RPS6KA2: variants seen among roughly 807,000 people sequenced by gnomAD.
RPS6KA2 encodes the protein ribosomal protein S6 kinase A2, also known as ribosomal protein S6 kinase alpha-2.
In RPS6KA2, 42 loss-of-function variants were observed where a neutral mutation model predicts 91.8. The ratio of observed to expected loss-of-function variants is 0.46; its 90% CI spans 0.36 to 0.59. The LOEUF (loss-of-function observed/expected upper bound fraction) is 0.59, where lower values mean the gene tolerates loss of function less well. Among genes scored for constraint, RPS6KA2 ranks in the 20% least tolerant of loss-of-function variants. The pLI is 0.00. For missense variants in RPS6KA2, 798 were observed against 978.5 expected, an observed-to-expected ratio of 0.82 and a Z score of 2.46; for synonymous variants, 414 against 393.6, an observed-to-expected ratio of 1.05 and a Z score of -0.61.
intron 1 of RPS6KA2, among the ~76,000 whole-genome samples, chr6:166,567,571 G>A (rs1784541232): frequency 6.6e-6 from 1 of 152,202 alleles, no homozygotes; most frequent in African/African-American, 2.4e-5. Flanking sequence ...AGGTTTCTAA[G>A]AAAAATGTTT....
At chr6:166,521,234 A>G (rs1184997381) in intron 3 of RPS6KA2, among the ~76,000 whole-genome samples, 1 of 152,220 alleles carries the variant, frequency 6.6e-6, no homozygotes, top group Admixed American at 6.5e-5. Flanking sequence ...GCACAGAACC[A>G]CTGTAGGGCC....
intron 3 of RPS6KA2, among the ~76,000 whole-genome samples, chr6:166,514,072 G>A (rs757342344): frequency 2.6e-5 from 4 of 152,140 alleles, no homozygotes; most frequent in African/African-American, 7.2e-5. Context: ...ATAGGATCGC[G>A]GATTGTGGGG....
intron 2 of RPS6KA2, among the ~76,000 whole-genome samples, chr6:166,658,991 C>G (rs1788081484): frequency 6.6e-6 from 1 of 152,100 alleles, no homozygotes; most frequent in Non-Finnish European, 1.5e-5. Flanking sequence ...CCACAGGCTT[C>G]CCCAGAATCA....
At chr6:166,851,253 G>A (rs1182723378) in intron 2 of RPS6KA2, among the ~76,000 whole-genome samples, 1 of 152,180 alleles carries the variant, frequency 6.6e-6, no homozygotes, top group African/African-American at 2.4e-5. Flanking sequence ...GTCCTCAGGG[G>A]CTCAGACCTG....
At position 166,423,478 on chromosome 6, in the gene RPS6KA2, C is replaced by T; in HGVS notation, c.1582-61G>A. ...TGAGGACTGAGCAGGAGAGGGAGGG[C>T]AGGTGCATTTGGAGGGGAGGGTGCA... On this transcript the variant is annotated intron_variant, in intron 16 of 20. Coordinates refer to ENST00000265678, the MANE Select transcript of RPS6KA2 (RefSeq NM_021135.6). This position sits in a 1 kb window ranked among gnomAD's most constrained non-coding sequence, Gnocchi z 4.8. 6.6e-7 allele frequency: 1 copy of T among 1,516,004 alleles called. No individual in the cohort carries two copies. The highest frequency in any genetic ancestry group is 1.2e-5 in the South Asian group (1 of 82,148). 93.9% of individuals were successfully genotyped at this position (1,516,004 alleles called of 1,614,324 possible).
At chr6:166,786,951 T>C (rs1583117664) in intron 2 of RPS6KA2, among the ~76,000 whole-genome samples, 3 of 152,118 alleles carry the variant, frequency 2.0e-5, no homozygotes, top group Admixed American at 1.3e-4. Context: ...CATTTTGCAA[T>C]GTGGGTTTTA....
intron 8 of RPS6KA2, among the ~76,000 whole-genome samples, chr6:166,498,060 G>T (rs994150340): frequency 6.6e-6 from 1 of 150,654 alleles, no homozygotes; most frequent in African/African-American, 2.4e-5. Flanking sequence ...ACTGGGTTCT[G>T]TTAAGCACTC....
chr6:166,515,194 G>A (rs1429900875), intron 3 of RPS6KA2, among the ~76,000 whole-genome samples: 2 of 152,200 alleles, frequency 1.3e-5, no homozygotes, highest in Non-Finnish European at 2.9e-5. Context: ...ATCAGGAAAT[G>A]TGAAAGAAGT....
intron 1 of RPS6KA2, among the ~76,000 whole-genome samples, chr6:166,861,497 A>G (rs189390959): frequency 1.3e-5 from 2 of 152,362 alleles, no homozygotes; most frequent in African/African-American, 4.8e-5. Context: ...GCATGGAGTG[A>G]AAAACTCTCA....
chr6:166,498,477 A>C, intron 8 of RPS6KA2, 31 bp downstream of exon 8: 1 of 1,583,808 alleles, frequency 6.3e-7, no homozygotes, highest in Non-Finnish European at 8.6e-7. Context: ...AACAGCCGCC[A>C]TGGCACAGAA....
At chr6:166,564,466 T>C (rs1784433189) in intron 1 of RPS6KA2, among the ~76,000 whole-genome samples, 1 of 152,198 alleles carries the variant, frequency 6.6e-6, no homozygotes, top group Non-Finnish European at 1.5e-5. Flanking sequence ...TCTTCCAAAT[T>C]ACCCTGAAGA....
intron 1 of RPS6KA2, among the ~76,000 whole-genome samples, chr6:166,556,029 G>A (rs1392143624): frequency 6.6e-6 from 1 of 152,188 alleles, no homozygotes; most frequent in Non-Finnish European, 1.5e-5. Context: ...ACGGCTAGAA[G>A]CCCTGGGGTA....
intron 12 of RPS6KA2, among the ~76,000 whole-genome samples, chr6:166,454,000 T>A (rs910405601): frequency 1.7e-4 from 26 of 152,194 alleles, no homozygotes; most frequent in African/African-American, 6.0e-4. Flanking sequence ...GCTAAATTGC[T>A]AAATAATGTC....
At chr6:166,436,838 G>C (rs1387197652) in intron 14 of RPS6KA2, among the ~76,000 whole-genome samples, 1 of 152,152 alleles carries the variant, frequency 6.6e-6, no homozygotes, top group African/African-American at 2.4e-5. Context: ...CATCCTGGAA[G>C]GGAGTCGTGG....
At chr6:166,510,976 T>C (rs574553606) in intron 3 of RPS6KA2, among the ~76,000 whole-genome samples, 1 of 152,240 alleles carries the variant, frequency 6.6e-6, no homozygotes, top group South Asian at 2.1e-4. Flanking sequence ...GTTCGTCTGA[T>C]GGTTGCTCAT....
chr6:166,759,163 C>T (rs576497713), intron 2 of RPS6KA2, among the ~76,000 whole-genome samples: 1 of 152,280 alleles, frequency 6.6e-6, no homozygotes, highest in African/African-American at 2.4e-5. Flanking sequence ...CTGAAAGGAG[C>T]TTTGGTCAGT....
intron 2 of RPS6KA2, among the ~76,000 whole-genome samples, chr6:166,667,208 C>G (rs758935376): frequency 9.9e-5 from 15 of 152,174 alleles, no homozygotes; most frequent in Middle Eastern, 3.2e-3. Context: ...TACCCAATAC[C>G]ACTGAACTGC....
chr6:166,542,048 T>C lies in RPS6KA2; in HGVS notation c.100-3264A>G, dbSNP rs3799637. On this transcript the variant is annotated intron_variant, in intron 1 of 20. Transcript: ENST00000265678. ...ATTTTAGCTTGAACTTGCTGGAGGATGCTTAACTTTCTTTTTCACTTTCCC... is the reference window on the plus strand; with the variant it reads ...ATTTTAGCTTGAACTTGCTGGAGGACGCTTAACTTTCTTTTTCACTTTCCC... 2.1e-3 allele frequency among the ~76,000 whole-genome samples: 322 copies of C among 152,352 alleles called. 10 individuals are homozygous for C. The East Asian group carries it at 0.051, about 24-fold the overall frequency.
chr6:166,838,519 TTATC>T (rs140730469), intron 2 of RPS6KA2, among the ~76,000 whole-genome samples: 8 of 152,312 alleles, frequency 5.3e-5, no homozygotes, highest in Non-Finnish European at 1.2e-4. Flanking sequence ...CAAAAAAAGT[TTATC>T]TAGTCCACGT....
Sources: gnomAD v4.1 joint callset for allele counts (sites outside exome capture counted in the v4.1 genomes callset) on GRCh38, gnomAD v4.1.1 for gene constraint, Gnocchi (gnomAD v3.1) non-coding constraint, MANE v1.5 for transcripts, NCBI Gene and HGNC (gene_info 2026-07-23, HGNC 2026-07-21) for gene names.